PLS1: variants seen among roughly 807,000 people sequenced by gnomAD.
The protein encoded by PLS1 is plastin 1, also known as plastin-1.
A neutral mutation model predicts 73.7 loss-of-function variants in PLS1; 32 were observed. The observed-to-expected ratio is 0.43, with a 90% CI of 0.33 to 0.58. PLS1 has a LOEUF of 0.58. Ranked by LOEUF, PLS1 falls within the 20% of genes least tolerant of loss-of-function variation. The probability of loss-of-function intolerance (pLI) is 0.04; values close to 1 mark genes in which losing one functional copy is unlikely to be tolerated. For missense variants in PLS1, 633 were observed against 740.5 expected, an observed-to-expected ratio of 0.85 and a Z score of 1.68; for synonymous variants, 217 against 261.3, an observed-to-expected ratio of 0.83 and a Z score of 1.63.
intron 10 of PLS1, among the ~76,000 whole-genome samples, chr3:142,691,922 G>C (rs1385269444): frequency 2.0e-5 from 3 of 152,058 alleles, no homozygotes; most frequent in Non-Finnish European, 4.4e-5. Context: ...GATCATCTCA[G>C]AATTCATTTA....
At chr3:142,684,501 G>A in intron 8 of PLS1, 106 bp downstream of exon 8, 2 of 871,012 alleles carry the variant, frequency 2.3e-6, no homozygotes, top group Non-Finnish European at 3.5e-6. Flanking sequence ...GAACACTTGG[G>A]ATAGAAAATG....
At chr3:142,698,150 C>A in intron 12 of PLS1, 83 bp downstream of exon 12, 1 of 784,128 alleles carries the variant, frequency 1.3e-6, no homozygotes, top group Non-Finnish European at 2.2e-6. Flanking sequence ...GTTATACGTG[C>A]TCTGTCCCCA....
intron 4 of PLS1, among the ~76,000 whole-genome samples, chr3:142,675,610 C>T (rs1484108472): frequency 1.3e-5 from 2 of 151,870 alleles, no homozygotes; most frequent in Non-Finnish European, 2.9e-5. Context: ...TGGTCTTGCT[C>T]TCTTGACCTC....
intron 10 of PLS1, among the ~76,000 whole-genome samples, chr3:142,690,570 T>A (rs1206992108): frequency 6.6e-6 from 1 of 152,222 alleles, no homozygotes; most frequent in South Asian, 2.1e-4. Flanking sequence ...GATATTGTAG[T>A]TGTAAACACA....
intron 10 of PLS1, among the ~76,000 whole-genome samples, chr3:142,693,989 G>A (rs2038140454): frequency 6.6e-6 from 1 of 151,908 alleles, no homozygotes; most frequent in Non-Finnish European, 1.5e-5. Context: ...GGTGTAAAGT[G>A]TAGGTCTGTG....
chr3:142,701,880 T>C (rs1356030083), intron 12 of PLS1, among the ~76,000 whole-genome samples: 3 of 152,248 alleles, frequency 2.0e-5, no homozygotes, highest in Non-Finnish European at 4.4e-5. Flanking sequence ...TTTACTCTCC[T>C]GTACACAGTG....
intron 14 of PLS1, among the ~76,000 whole-genome samples, chr3:142,706,580 G>A (rs2038467077): frequency 6.6e-6 from 1 of 152,072 alleles, no homozygotes; most frequent in Admixed American, 6.6e-5. Flanking sequence ...TAATAAGAAA[G>A]GCAATTATTT....
intron 4 of PLS1, among the ~76,000 whole-genome samples, chr3:142,671,511 G>C (rs189982566): frequency 6.6e-6 from 1 of 152,042 alleles, no homozygotes; most frequent in Non-Finnish European, 1.5e-5. Flanking sequence ...CTAGGAATGG[G>C]GGAGAGGCTT....
chr3:142,678,533 TG>T (rs2037773658), intron 6 of PLS1, among the ~76,000 whole-genome samples: 1 of 151,506 alleles, frequency 6.6e-6, no homozygotes, highest in Non-Finnish European at 1.5e-5. Flanking sequence ...TTTGGTTTTT[TG>T]TTCTTGTAAT....
chr3:142,699,104 G>T (rs1053985240), intron 12 of PLS1, among the ~76,000 whole-genome samples: 1 of 152,100 alleles, frequency 6.6e-6, no homozygotes, highest in East Asian at 1.9e-4. Context: ...CCTGTCAGGG[G>T]TTGGGGGGCA....
intron 12 of PLS1, among the ~76,000 whole-genome samples, chr3:142,701,152 T>C (rs1224584123): frequency 1.3e-5 from 2 of 152,242 alleles, no homozygotes; most frequent in Admixed American, 6.5e-5. Context: ...GCTTTCTTTG[T>C]GCTCATTCTT....
chr3:142,622,413 C>T (rs2108563574), intron 1 of PLS1, among the ~76,000 whole-genome samples: 1 of 152,266 alleles, frequency 6.6e-6, no homozygotes, highest in African/African-American at 2.4e-5. Flanking sequence ...TTCCATCCCT[C>T]CTTTCACCCT....
chr3:142,633,949 A>G (rs148903309), intron 1 of PLS1, among the ~76,000 whole-genome samples: 19 of 152,360 alleles, frequency 1.2e-4, no homozygotes, highest in African/African-American at 4.6e-4. Context: ...CATATTACAT[A>G]TGCTTAAGAG....
chr3:142,631,762 C>T (rs779663218), intron 1 of PLS1, among the ~76,000 whole-genome samples: 1 of 143,670 alleles, frequency 7.0e-6, no homozygotes, highest in Non-Finnish European at 1.5e-5. Context: ...AAACCTGAAA[C>T]TCTTAGAAGA....
At chr3:142,603,462 T>C (rs1373799083) in intron 1 of PLS1, among the ~76,000 whole-genome samples, 1 of 152,226 alleles carries the variant, frequency 6.6e-6, no homozygotes, top group African/African-American at 2.4e-5. Flanking sequence ...TGATTGACTT[T>C]TGTGAGCAAT....
chr3:142,652,779 TTTTG>T (rs1272725706), intron 1 of PLS1, among the ~76,000 whole-genome samples: 1 of 152,134 alleles, frequency 6.6e-6, no homozygotes, highest in African/African-American at 2.4e-5. Flanking sequence ...TGTTGTTGGT[TTTTG>T]TTTGTTTGCT....
At chr3:142,649,543 CAGG>C (rs1157008842) in intron 1 of PLS1, among the ~76,000 whole-genome samples, 1 of 151,556 alleles carries the variant, frequency 6.6e-6, no homozygotes, top group Non-Finnish European at 1.5e-5. Flanking sequence ...GAGGCTGTGG[CAGG>C]AGAATTGCTT....
Position 142,596,486 on chromosome 3 carries a change from A to G in PLS1, c.-60A>G, listed in dbSNP as rs889684421. 4 of 152,588 alleles carry G rather than the reference A, an allele frequency of 2.6e-5. No homozygotes were observed. Among genetic ancestry groups the G allele is most frequent in the Non-Finnish European group, 2.9e-5 (2 of 68,354 alleles). The allele number at this position is 152,588 out of a possible 1,614,324, so 9.5% of individuals were successfully genotyped here. A position where few individuals can be genotyped will look rare whatever the true frequency, so the allele number is the denominator to read the frequency against. ...ATCTCCAGTGGGAGCTGCCCTCTCG[A>G]AGGCAGGACAGCGGTGGCGGCAGGT... On this transcript the variant is annotated 5_prime_UTR_variant, in exon 1 of 16. Coordinates refer to ENST00000457734, the MANE Select transcript of PLS1 (RefSeq NM_001145319.2).
rs775774027 is a variant in PLS1, at chr3:142,697,960, G to C, written c.1264G>C (p.Ala422Pro). ...PYINHLYSDLADALVIFQLYE... is the reference protein window; with the variant it reads ...PYINHLYSDLPDALVIFQLYE... ...TTTTCCTTCCTGCTTCAGTGACCTTGCAGATGCTTTAGTGATCTTTCAGCT... is the reference window on the plus strand; with the variant it reads ...TTTTCCTTCCTGCTTCAGTGACCTTCCAGATGCTTTAGTGATCTTTCAGCT... The change falls in exon 12 of 16, where the codon GCA (alanine) becomes CCA (proline). Residue 422 changes from alanine (A) to proline (P), a missense_variant. By Grantham distance (27) the Ala-to-Pro change is conservative. Coordinates refer to ENST00000457734, the MANE Select transcript of PLS1 (RefSeq NM_001145319.2). 2 of 1,605,884 alleles carry C rather than the reference G, an allele frequency of 1.2e-6. No individual in the cohort carries two copies. Among genetic ancestry groups the C allele is most frequent in the Non-Finnish European group, 1.7e-6 (2 of 1,172,898 alleles).
Sources: allele counts gnomAD v4.1 joint callset (sites outside exome capture counted in the v4.1 genomes callset), GRCh38; gene constraint gnomAD v4.1.1; transcripts MANE v1.5; gene names NCBI Gene and HGNC (gene_info 2026-07-23, HGNC 2026-07-21).